AIFM1: variants seen among roughly 807,000 people sequenced by gnomAD.
AIFM1 encodes apoptosis inducing factor mitochondria associated 1.
In AIFM1, 3 loss-of-function variants were observed where a neutral mutation model predicts 51.7. That is an observed-to-expected ratio of 0.06 (90% confidence interval 0.03 to 0.15). The LOEUF is 0.15. Ranked by LOEUF, AIFM1 falls within the 10% of genes least tolerant of loss-of-function variation. The pLI is 1.00. For synonymous variants in AIFM1, 178 were observed against 179.4 expected (o/e 0.99, Z 0.06); for missense variants, 330 against 476.8 (o/e 0.69, Z 2.87).
chrX:130,159,154 T>C (rs2031268607), intron 1 of AIFM1, among the ~76,000 whole-genome samples: 1 of 112,029 alleles, frequency 8.9e-6, no homozygotes, highest in Non-Finnish European at 1.9e-5. Flanking sequence ...GATTATAAAG[T>C]AGCCTCTCTC....
chrX:130,150,816 A>C (rs1262502527), intron 2 of AIFM1, among the ~76,000 whole-genome samples: 1 of 102,995 alleles, frequency 9.7e-6, no homozygotes, highest in African/African-American at 3.5e-5. Context: ...CTCTACTAAA[A>C]ATACAAAAAT....
At chrX:130,159,581 T>C (rs765166837) in intron 1 of AIFM1, among the ~76,000 whole-genome samples, 2 of 111,676 alleles carry the variant, frequency 1.8e-5, no homozygotes, top group East Asian at 5.6e-4. Context: ...CCTCTACCCC[T>C]GGTTCATTTA....
intron 5 of AIFM1, 21 bp downstream of exon 5, chrX:130,147,472 A>AT: frequency 8.3e-7 from 1 of 1,211,390 alleles, no homozygotes. Context: ...TGATAGGCTC[A>AT]TTTTACATAA....
intron 12 of AIFM1, among the ~76,000 whole-genome samples, chrX:130,134,115 T>G (rs2030225295): frequency 9.1e-6 from 1 of 110,055 alleles, no homozygotes; most frequent in Non-Finnish European, 1.9e-5. Context: ...CAAGCGCCTG[T>G]AATCCCAGCT....
At chrX:130,146,044 TC>T (rs2030737509) in intron 5 of AIFM1, among the ~76,000 whole-genome samples, 1 of 112,272 alleles carries the variant, frequency 8.9e-6, no homozygotes, top group Admixed American at 9.5e-5. Flanking sequence ...AAATGGGTTG[TC>T]CAGAATGGTG....
intron 2 of AIFM1, chrX:130,155,260 G>A: frequency 7.4e-6 from 9 of 1,210,363 alleles, no homozygotes; most frequent in Non-Finnish European, 7.8e-6. Context: ...GATCTAGAAG[G>A]GGATCCTAGG....
intron 15 of AIFM1, 111 bp from the exon 16 acceptor site, chrX:130,129,739 G>C: frequency 1.2e-6 from 1 of 813,475 alleles, no homozygotes; most frequent in Admixed American, 2.3e-5. Flanking sequence ...GGAGGGAGTT[G>C]TGGGAACAGT....
intron 1 of AIFM1, among the ~76,000 whole-genome samples, chrX:130,159,590 T>C (rs1352548237): frequency 1.8e-5 from 2 of 111,515 alleles, no homozygotes; most frequent in Non-Finnish European, 3.8e-5. Flanking sequence ...CTGGTTCATT[T>C]ACTAAAAATA....
intron 12 of AIFM1, among the ~76,000 whole-genome samples, chrX:130,133,864 T>C (rs2030211411): frequency 9.2e-6 from 1 of 108,461 alleles, no homozygotes; most frequent in Non-Finnish European, 1.9e-5. Flanking sequence ...ACTCCTGGGC[T>C]CAAGCAATGT....
intron 12 of AIFM1, 22 bp from the exon 13 acceptor site, chrX:130,133,477 A>G (rs769904407): frequency 1.7e-5 from 21 of 1,203,735 alleles, no homozygotes; most frequent in Non-Finnish European, 2.4e-5. Context: ...AATACATAAC[A>G]TGAACACATG....
chrX:130,130,938 A>ATGGAATAC, intron 14 of AIFM1, among the ~76,000 whole-genome samples: 1 of 112,606 alleles, frequency 8.9e-6, no homozygotes. Flanking sequence ...ATTAAGGAAT[A>ATGGAATAC]TGGAATACAT....
Position 130,130,028 on chromosome X carries a change from T to C in AIFM1, c.1712A>G (p.Lys571Arg). ...GKGVIFYLRD[K>R]VVVGIVLWNI... is the part of the protein sequence containing the mutation. Reference sequence around the variant, plus strand: ...CCATAGCACAATCCCCACGACCACTTTGTCCCTGAGGTAGAAGATGACACC... The same window carrying C: ...CCATAGCACAATCCCCACGACCACTCTGTCCCTGAGGTAGAAGATGACACC... Residue 571 changes from lysine to arginine, a missense_variant, in exon 15 of 16, where the codon AAA (lysine) becomes AGA (arginine). Lys to Arg is a conservative substitution (Grantham distance 26). Around this residue, in one of 4 missense-constraint regions of AIFM1, gnomAD observed 56 missense variants for 48.8 expected, o/e 1.15. Coordinates refer to ENST00000287295, the MANE Select transcript of AIFM1 (RefSeq NM_004208.4). 3 of 1,211,607 alleles carry C rather than the reference T, an allele frequency of 2.5e-6. No homozygotes were observed. The highest frequency in any genetic ancestry group is 2.2e-6 in the Non-Finnish European group (2 of 895,470).
chrX:130,163,807 G>C (rs575306549), intron 1 of AIFM1, among the ~76,000 whole-genome samples: 1 of 111,540 alleles, frequency 9.0e-6, no homozygotes, highest in African/African-American at 3.3e-5. Flanking sequence ...GGTAAAAGTT[G>C]TGAGACTTAA....
intron 1 of AIFM1, among the ~76,000 whole-genome samples, chrX:130,161,139 A>G (rs2031333205): frequency 9.0e-6 from 1 of 111,109 alleles, no homozygotes; most frequent in Non-Finnish European, 1.9e-5. Flanking sequence ...TGAGGCACCC[A>G]GGGATCCTAA....
chrX:130,165,144 C>T (rs1439761443), intron 1 of AIFM1, among the ~76,000 whole-genome samples: 2 of 107,923 alleles, frequency 1.9e-5, no homozygotes, highest in Non-Finnish European at 3.8e-5. Context: ...CAGATAACAC[C>T]CTCATTTACA....
At chrX:130,153,041 C>T (rs1323467644) in intron 2 of AIFM1, among the ~76,000 whole-genome samples, 1 of 109,931 alleles carries the variant, frequency 9.1e-6, no homozygotes, top group South Asian at 3.9e-4. Flanking sequence ...TTTTAAAAGT[C>T]GACAGTTTAG....
At chrX:130,141,298 A>G (rs1404922642) in intron 6 of AIFM1, among the ~76,000 whole-genome samples, 3 of 111,900 alleles carry the variant, frequency 2.7e-5, no homozygotes, top group East Asian at 2.8e-4. Flanking sequence ...TTAGGCAGTC[A>G]TATGTTGGAA....
chrX:130,143,808 C>T (rs2030661754), intron 6 of AIFM1, among the ~76,000 whole-genome samples: 1 of 110,122 alleles, frequency 9.1e-6, no homozygotes, highest in Admixed American at 9.7e-5. Flanking sequence ...GATCATGCCA[C>T]CGTACTCCAG....
chrX:130,150,538 T>G (rs1455935784), intron 2 of AIFM1, among the ~76,000 whole-genome samples: 1 of 103,735 alleles, frequency 9.6e-6, no homozygotes, highest in African/African-American at 3.5e-5. Flanking sequence ...GGTTTCACCG[T>G]TTTAGCCGGG....
Sources: gnomAD v4.1 joint callset for allele counts (sites outside exome capture counted in the v4.1 genomes callset) on GRCh38, gnomAD v4.1.1 for gene constraint, gnomAD v4.1.1 regional missense constraint, MANE v1.5 for transcripts, NCBI Gene and HGNC (gene_info 2026-07-23, HGNC 2026-07-21) for gene names.